The following RALGPS1 variants were observed in gnomAD, a reference collection of about 807,000 sequenced individuals.
RALGPS1 encodes Ral GEF with PH domain and SH3 binding motif 1.
Under a neutral mutation model 78.8 loss-of-function variants are expected in RALGPS1, and 19 were observed. That is an observed-to-expected ratio of 0.24 (90% CI 0.17 to 0.35). RALGPS1 has a LOEUF of 0.35. Ranked by LOEUF, RALGPS1 falls within the 10% of genes least tolerant of loss-of-function variation. The pLI is 1.00. For synonymous variants in RALGPS1, 228 were observed against 256.3 expected, an observed-to-expected ratio of 0.89 and a Z score of 1.06; for missense variants, 454 against 688.3, an observed-to-expected ratio of 0.66 and a Z score of 3.81.
In RALGPS1 at chr9:127,051,690, A is replaced by G. The variant is rs374410537; in HGVS notation, c.391-1157A>G. Among the ~76,000 whole-genome samples, 12 of 152,332 alleles carry G rather than the reference A, an allele frequency of 7.9e-5. No individual in the cohort carries two copies. The East Asian group carries it at 1.3e-3, about 17-fold the overall frequency. ...AACAGAGTTGTGAGGACTAAGTATA[A>G]GGGCTTTTCCTTTCTTTATGCATTT... On this transcript the variant is annotated intron_variant, in intron 6 of 18. Transcript: ENST00000259351.
At chr9:127,075,148 C>T (rs556117149) in intron 8 of RALGPS1, among the ~76,000 whole-genome samples, 3 of 152,324 alleles carry the variant, frequency 2.0e-5, no homozygotes, top group Admixed American at 2.0e-4. Context: ...TCCCAAGAGG[C>T]TCCATGGAGG....
At chr9:126,956,023 T>C (rs756627595) in intron 1 of RALGPS1, among the ~76,000 whole-genome samples, 1 of 152,212 alleles carries the variant, frequency 6.6e-6, no homozygotes, top group Non-Finnish European at 1.5e-5. Context: ...GTGCATCTGC[T>C]TCCTCCCCCT....
At chr9:127,210,628 C>T in intron 14 of RALGPS1, 1 of 1,256,442 alleles carries the variant, frequency 8.0e-7, no homozygotes, top group South Asian at 1.3e-5. Flanking sequence ...TCGGGGTGCT[C>T]TTGCCTCCTT....
At chr9:127,108,118 T>C in intron 8 of RALGPS1, 1 of 1,613,696 alleles carries the variant, frequency 6.2e-7, no homozygotes, top group South Asian at 1.1e-5. Flanking sequence ...GGGCACCCTC[T>C]GGCAGTGCTC....
chr9:126,996,431 G>T (rs2133379882), intron 4 of RALGPS1, among the ~76,000 whole-genome samples: 1 of 152,306 alleles, frequency 6.6e-6, no homozygotes, highest in Admixed American at 6.5e-5. Context: ...AGAAAATCTA[G>T]AAGAAATGGA....
Position 127,221,443 on chromosome 9 carries a change from C to T in RALGPS1, c.*2674C>T, listed in dbSNP as rs1319986612. 1 of 152,190 alleles carries T rather than the reference C, an allele frequency of 6.6e-6. No individual in the cohort carries two copies. Among genetic ancestry groups the T allele is most frequent in the Non-Finnish European group, 1.5e-5 (1 of 68,026 alleles). The allele number at this position is 152,190 out of a possible 1,614,324, so 9.4% of individuals were successfully genotyped here. On this transcript the variant is annotated 3_prime_UTR_variant, in exon 19 of 19. Transcript: ENST00000259351. ...CTGTCTACAACTGTGGAGTTGGTAG[C>T]TGGTAACATTGTTGTCTCAAGAACA...
At chr9:127,114,710 G>A (rs1382695490) in intron 8 of RALGPS1, among the ~76,000 whole-genome samples, 3 of 152,242 alleles carry the variant, frequency 2.0e-5, no homozygotes, top group African/African-American at 7.2e-5. Context: ...GCCATAAGAG[G>A]CATCCCAGCA....
chr9:127,125,880 T>C (rs902975871), intron 8 of RALGPS1, among the ~76,000 whole-genome samples: 6 of 152,232 alleles, frequency 3.9e-5, no homozygotes, highest in Non-Finnish European at 7.3e-5. Context: ...AGATTCTTCA[T>C]GTAAATGACA....
intron 4 of RALGPS1, among the ~76,000 whole-genome samples, chr9:127,026,451 CCAT>C (rs36033509): frequency 0.55 from 83,434 of 151,704 alleles, 23,572 homozygotes; most frequent in African/African-American, 0.67. Context: ...ACAGTATTAA[CCAT>C]CATCACAATT....
intron 4 of RALGPS1, among the ~76,000 whole-genome samples, chr9:127,030,164 A>G (rs1432548017): frequency 2.0e-5 from 3 of 152,138 alleles, no homozygotes; most frequent in Non-Finnish European, 4.4e-5. Flanking sequence ...GTGGATGCCA[A>G]AGAAGGTATG....
At chr9:127,104,810 C>G (rs944529362) in intron 8 of RALGPS1, among the ~76,000 whole-genome samples, 7 of 152,216 alleles carry the variant, frequency 4.6e-5, no homozygotes, top group African/African-American at 1.7e-4. Context: ...TGCCAAGGCT[C>G]GGATGCAAAG....
At chr9:127,037,711 T>G (rs2046976185) in intron 5 of RALGPS1, among the ~76,000 whole-genome samples, 1 of 152,252 alleles carries the variant, frequency 6.6e-6, no homozygotes. Flanking sequence ...TGTATCATAT[T>G]CCGAGGGCAA....
At chr9:126,977,989 C>G (rs938969895) in intron 4 of RALGPS1, 1 of 361,468 alleles carries the variant, frequency 2.8e-6, no homozygotes, top group Non-Finnish European at 5.0e-6. Flanking sequence ...CCACAGGACT[C>G]CACGCCTGAG....
Position 126,965,968 on chromosome 9 carries a change from T to C in RALGPS1, c.165+17T>C. Reference sequence around the variant, plus strand: ...GAGTTTGCTGTAAGTGAAACAGGGCTGGTGTGGGTGGCTGGGCACCACAGC... The same window carrying C: ...GAGTTTGCTGTAAGTGAAACAGGGCCGGTGTGGGTGGCTGGGCACCACAGC... On this transcript the variant is annotated intron_variant, in intron 3 of 18. Coordinates refer to ENST00000259351, the MANE Select transcript of RALGPS1 (RefSeq NM_014636.3). 6.3e-7 allele frequency: 1 copy of C among 1,599,556 alleles called. No individual in the cohort carries two copies. Among genetic ancestry groups the C allele is most frequent in the Non-Finnish European group, 8.6e-7 (1 of 1,166,690 alleles).
chr9:127,125,237 G>A (rs1252719826), intron 8 of RALGPS1, among the ~76,000 whole-genome samples: 2 of 152,236 alleles, frequency 1.3e-5, no homozygotes, highest in Admixed American at 1.3e-4. Flanking sequence ...AAAAGCTCTT[G>A]TAGTTTCTGT....
At chr9:127,014,143 G>A (rs1310325945) in intron 4 of RALGPS1, among the ~76,000 whole-genome samples, 2 of 152,170 alleles carry the variant, frequency 1.3e-5, no homozygotes, top group African/African-American at 4.8e-5. Flanking sequence ...GAGCAGCCCG[G>A]GCCTGAGGTT....
At chr9:127,215,300 G>A (rs1445169616) in intron 18 of RALGPS1, among the ~76,000 whole-genome samples, 3 of 152,228 alleles carry the variant, frequency 2.0e-5, no homozygotes, top group Non-Finnish European at 2.9e-5. Flanking sequence ...GCTGGTGAAA[G>A]GGGGTCCCTA....
intron 4 of RALGPS1, among the ~76,000 whole-genome samples, chr9:126,998,836 C>T (rs934696122): frequency 8.6e-5 from 13 of 151,342 alleles, no homozygotes; most frequent in African/African-American, 2.4e-4. Flanking sequence ...TACTATGCAG[C>T]CATAAAAAAT....
chr9:126,966,639 A>G (rs567289840), intron 3 of RALGPS1, among the ~76,000 whole-genome samples: 1 of 152,072 alleles, frequency 6.6e-6, no homozygotes, highest in East Asian at 1.9e-4. Flanking sequence ...ATAGCCAAAC[A>G]TATTATTTAC....
Sources: gnomAD v4.1 joint callset for allele counts (sites outside exome capture counted in the v4.1 genomes callset) on GRCh38, gnomAD v4.1.1 for gene constraint, MANE v1.5 for transcripts, NCBI Gene and HGNC (gene_info 2026-07-23, HGNC 2026-07-21) for gene names.